Variants in SCG3 observed in about 807,000 individuals in gnomAD.
SCG3 encodes the protein secretogranin-3.
Under a neutral mutation model 56.2 loss-of-function variants are expected in SCG3, and 38 were observed. That is an observed-to-expected ratio of 0.68 (90% CI 0.52 to 0.89). SCG3 has a LOEUF of 0.89. Ranked by LOEUF, SCG3 falls within the 40% of genes least tolerant of loss-of-function variation. SCG3 has a pLI of 0.00. For synonymous variants in SCG3, 176 were observed against 184.2 expected (o/e 0.96, Z 0.36); for missense variants, 524 against 540.7 (o/e 0.97, Z 0.31).
chr15:51,682,592 A>C (rs371430571), intron 2 of SCG3, 23 bp downstream of exon 2: 2 of 1,270,100 alleles, frequency 1.6e-6, no homozygotes, highest in African/African-American at 3.2e-5. Flanking sequence ...TAACATTATG[A>C]ATGCTATTTC....
At chr15:51,709,376 A>G (rs1434879235) in intron 10 of SCG3, among the ~76,000 whole-genome samples, 1 of 151,970 alleles carries the variant, frequency 6.6e-6, no homozygotes, top group Non-Finnish European at 1.5e-5. Flanking sequence ...CAGCCCAACC[A>G]TATCAGACCC....
Position 51,712,011 on chromosome 15 carries a change from T to C in SCG3, c.1208-1322T>C, listed in dbSNP as rs544533624. 2.6e-5 allele frequency among the ~76,000 whole-genome samples: 4 copies of C among 152,348 alleles called. No homozygotes were observed. The South Asian group carries it at 8.3e-4, about 32-fold the overall frequency. On this transcript the variant is annotated intron_variant, in intron 10 of 11. Coordinates refer to ENST00000220478, the MANE Select transcript of SCG3 (RefSeq NM_013243.4). ...TAGGGCAGTGTTATTGTACATGGAC[T>C]GTAGTTGGAGGTACCCAGGTTCAAG... is the stretch of plus-strand genomic sequence containing the variant.
chr15:51,683,194 G>T, intron 3 of SCG3, 25 bp from the exon 4 acceptor site: 1 of 1,608,192 alleles, frequency 6.2e-7, no homozygotes, highest in Non-Finnish European at 8.5e-7. Context: ...AAATGGCTGT[G>T]TTGGGTTTGG....
chr15:51,682,479 C>T (rs747407243), intron 1 of SCG3, 38 bp from the exon 2 acceptor site: 39 of 1,137,186 alleles, frequency 3.4e-5, no homozygotes, highest in Middle Eastern at 2.7e-4. Context: ...TGTCCTTCAA[C>T]GCACAATTAA....
chr15:51,693,610 C>T (rs1230931077), intron 7 of SCG3: 2 of 152,182 alleles, frequency 1.3e-5, no homozygotes, highest in Admixed American at 1.3e-4. Context: ...GCCTTCATGG[C>T]TTTTTCTTTC....
At chr15:51,691,520 G>A (rs556172920) in intron 6 of SCG3, among the ~76,000 whole-genome samples, 2 of 152,274 alleles carry the variant, frequency 1.3e-5, no homozygotes, top group East Asian at 3.9e-4. Context: ...GATAAATTTT[G>A]AAAGTGGGGC....
chr15:51,707,119 CT>C (rs546353227), intron 10 of SCG3, among the ~76,000 whole-genome samples: 8 of 151,138 alleles, frequency 5.3e-5, no homozygotes, highest in Non-Finnish European at 7.4e-5. Flanking sequence ...CACTGAAAGT[CT>C]TTTTTTTTAA....
rs2055480937 is a variant in SCG3, at chr15:51,719,389, C to G, written c.1289-19C>G. The G allele has an allele frequency of 6.4e-7, 1 of 1,562,072 alleles. No individual in the cohort carries two copies. The highest frequency in any genetic ancestry group is 8.8e-7 in the Non-Finnish European group (1 of 1,134,104). On this transcript the variant is annotated intron_variant, in intron 11 of 11. Transcript: ENST00000220478. ...CCTTTCCTGATCTTTGCTCATTATG[C>G]TCTAATAATATTTTCCAGATTATGA...
intron 7 of SCG3, chr15:51,693,606 A>G (rs2055282718): frequency 1.3e-5 from 2 of 152,204 alleles, no homozygotes; most frequent in South Asian, 2.1e-4. Context: ...GACTGCCTTC[A>G]TGGCTTTTTC....
At chr15:51,701,814 G>T (rs1297782712) in intron 10 of SCG3, among the ~76,000 whole-genome samples, 1 of 152,150 alleles carries the variant, frequency 6.6e-6, no homozygotes, top group African/African-American at 2.4e-5. Context: ...GCTGAGGTGG[G>T]AGGATCTCTT....
At chr15:51,687,942 A>T (rs921484440) in intron 4 of SCG3, among the ~76,000 whole-genome samples, 1 of 152,216 alleles carries the variant, frequency 6.6e-6, no homozygotes, top group African/African-American at 2.4e-5. Flanking sequence ...AATATGGCAT[A>T]CTATGTTAAT....
chr15:51,694,759 G>C (rs545932918), intron 7 of SCG3, among the ~76,000 whole-genome samples: 1 of 152,148 alleles, frequency 6.6e-6, no homozygotes, highest in African/African-American at 2.4e-5. Context: ...GGCCGAGCGC[G>C]GTGGCTCACG....
At chr15:51,711,900 A>G (rs2055423298) in intron 10 of SCG3, among the ~76,000 whole-genome samples, 1 of 152,174 alleles carries the variant, frequency 6.6e-6, no homozygotes, top group African/African-American at 2.4e-5. Flanking sequence ...TGGTAAGGCA[A>G]GAGTGGGCTT....
At chr15:51,711,369 G>C (rs1343728270) in intron 10 of SCG3, among the ~76,000 whole-genome samples, 1 of 152,176 alleles carries the variant, frequency 6.6e-6, no homozygotes, top group Non-Finnish European at 1.5e-5. Context: ...CGATATCAGA[G>C]AAGATAGTAG....
At chr15:51,704,836 A>C (rs915538201) in intron 10 of SCG3, among the ~76,000 whole-genome samples, 3 of 133,632 alleles carry the variant, frequency 2.2e-5, no homozygotes, top group Non-Finnish European at 4.8e-5. Flanking sequence ...TTTTGGGTAT[A>C]TATCCAGAAG....
At chr15:51,688,114 G>A (rs2606145) in intron 4 of SCG3, 146 bp from the exon 5 acceptor site, 572,431 of 719,066 alleles carry the variant, frequency 0.8, 229,441 homozygotes, top group East Asian at 0.99. Context: ...ATTTCAAACC[G>A]AGGGTTTCTG....
chr15:51,710,153 A>C (rs528899616), intron 10 of SCG3, among the ~76,000 whole-genome samples: 1 of 152,054 alleles, frequency 6.6e-6, no homozygotes, highest in African/African-American at 2.4e-5. Context: ...CTCATTGACA[A>C]ATATTTCTTG....
At chr15:51,709,383 A>C (rs1251111968) in intron 10 of SCG3, among the ~76,000 whole-genome samples, 1 of 151,788 alleles carries the variant, frequency 6.6e-6, no homozygotes, top group African/African-American at 2.4e-5. Flanking sequence ...ACCATATCAG[A>C]CCCTTACTTA....
intron 6 of SCG3, among the ~76,000 whole-genome samples, chr15:51,691,209 A>G (rs2055264676): frequency 6.6e-6 from 1 of 152,224 alleles, no homozygotes; most frequent in Admixed American, 6.5e-5. Context: ...GCTGGCACAG[A>G]AAGAAAGAGC....
Sources: allele counts gnomAD v4.1 joint callset (sites outside exome capture counted in the v4.1 genomes callset), GRCh38; gene constraint gnomAD v4.1.1; transcripts MANE v1.5; gene names NCBI Gene and HGNC (gene_info 2026-07-23, HGNC 2026-07-21).